Variants in PIK3C2G observed in about 807,000 individuals in gnomAD.
PIK3C2G encodes phosphatidylinositol 3-kinase C2 domain-containing subunit gamma.
PIK3C2G carries 168 observed loss-of-function variants against 181.1 expected under a neutral mutation model. That is an observed-to-expected ratio of 0.93 (90% CI 0.82 to 1.05). The LOEUF (loss-of-function observed/expected upper bound fraction) is 1.05. Among genes scored for constraint, PIK3C2G ranks in the 50% least tolerant of loss-of-function variants. The pLI is 0.00. For missense variants in PIK3C2G, 1,869 were observed against 1,732.8 expected, an observed-to-expected ratio of 1.08 and a Z score of -1.40; for synonymous variants, 573 against 592.2, an observed-to-expected ratio of 0.97 and a Z score of 0.47.
rs1950253130 is a variant in PIK3C2G, at chr12:18,648,175, G to A, written c.*147G>A. On this transcript the variant is annotated 3_prime_UTR_variant, in exon 33 of 33. Coordinates refer to ENST00000538779, the MANE Select transcript of PIK3C2G (RefSeq NM_001288772.2). ...GAAAAAAAATCAGAATTAGTCTTTT[G>A]TGTTGTTTATTTTCTACCTGTGCTT... 2.5e-6 allele frequency: 1 copy of A among 404,310 alleles called. No homozygotes were observed. Among genetic ancestry groups the A allele is most frequent in the South Asian group, 9.2e-5 (1 of 10,892 alleles). 25.0% of individuals were successfully genotyped at this position (404,310 alleles called of 1,614,324 possible). A position where few individuals can be genotyped will look rare whatever the true frequency, so the allele number is the denominator to read the frequency against.
intron 16 of PIK3C2G, among the ~76,000 whole-genome samples, chr12:18,402,807 A>C (rs981007531): frequency 2.0e-5 from 3 of 152,148 alleles, no homozygotes; most frequent in African/African-American, 7.2e-5. Context: ...CAGATCTTCA[A>C]AATCTGTTTG....
chr12:18,534,680 G>A (rs1013805897), intron 24 of PIK3C2G, among the ~76,000 whole-genome samples: 1 of 72,554 alleles, frequency 1.4e-5, no homozygotes, highest in Non-Finnish European at 2.6e-5. Flanking sequence ...AATCATACGG[G>A]TCATTTGGAT....
At chr12:18,459,953 C>T (rs150957126) in intron 18 of PIK3C2G, among the ~76,000 whole-genome samples, 2,194 of 152,182 alleles carry the variant, frequency 0.014, 64 homozygotes, top group African/African-American at 0.05. Context: ...TTAGTAGAGA[C>T]GGGGTTTCAC....
Position 18,511,579 on chromosome 12 carries a change from T to C in PIK3C2G, c.3323+6118T>C, listed in dbSNP as rs147675424. Among the ~76,000 whole-genome samples the C allele has an allele frequency of 8.0e-3, 1,220 of 152,194 alleles. 17 individuals carry two copies. The highest frequency in any genetic ancestry group is 0.026 in the African/African-American group (1,078 of 41,572). ...CATTTCCTTGATAATTAGTGATGCCTAACAGTTTATGTACTTATTGGCCAT... is the reference window on the plus strand; with the variant it reads ...CATTTCCTTGATAATTAGTGATGCCCAACAGTTTATGTACTTATTGGCCAT... On this transcript the variant is annotated intron_variant, in intron 24 of 32. Coordinates refer to ENST00000538779, the MANE Select transcript of PIK3C2G (RefSeq NM_001288772.2).
At chr12:18,530,044 T>C (rs1226953102) in intron 24 of PIK3C2G, among the ~76,000 whole-genome samples, 1 of 152,160 alleles carries the variant, frequency 6.6e-6, no homozygotes, top group African/African-American at 2.4e-5. Flanking sequence ...GGCCCAGCAA[T>C]GGCACATGTC....
At chr12:18,643,906 G>A (rs929938160) in intron 32 of PIK3C2G, among the ~76,000 whole-genome samples, 6 of 152,126 alleles carry the variant, frequency 3.9e-5, no homozygotes, top group African/African-American at 1.4e-4. Flanking sequence ...AGTGGGAGAG[G>A]ATGACCTCAC....
At chr12:18,433,015 G>T (rs991309068) in intron 18 of PIK3C2G, among the ~76,000 whole-genome samples, 3 of 151,368 alleles carry the variant, frequency 2.0e-5, no homozygotes, top group African/African-American at 7.3e-5. Flanking sequence ...AAACTGAAAT[G>T]AAAACCATAT....
At chr12:18,433,050 C>G (rs1946251714) in intron 18 of PIK3C2G, among the ~76,000 whole-genome samples, 1 of 151,582 alleles carries the variant, frequency 6.6e-6, no homozygotes, top group Admixed American at 6.6e-5. Context: ...TTTAAAAGCT[C>G]AAAATTGTTG....
the PIK3C2G span, among the ~76,000 whole-genome samples, chr12:18,660,940 A>G: frequency 6.6e-6 from 1 of 152,166 alleles, no homozygotes; most frequent in African/African-American, 2.4e-5. Context: ...TGAACAAAAT[A>G]AAAAGATCAA....
intron 11 of PIK3C2G, among the ~76,000 whole-genome samples, chr12:18,357,949 T>TAATA: frequency 6.6e-6 from 1 of 152,350 alleles, no homozygotes; most frequent in African/African-American, 2.4e-5. Flanking sequence ...CAAGGTTGAA[T>TAATA]AATATATCAT....
intron 1 of PIK3C2G, among the ~76,000 whole-genome samples, chr12:18,275,187 T>C (rs539664094): frequency 6.6e-6 from 1 of 152,288 alleles, no homozygotes; most frequent in East Asian, 1.9e-4. Flanking sequence ...ATTATTTGCT[T>C]CTGTCACAAG....
intron 1 of PIK3C2G, among the ~76,000 whole-genome samples, chr12:18,252,298 C>G (rs991488954): frequency 6.6e-6 from 1 of 152,056 alleles, no homozygotes; most frequent in Non-Finnish European, 1.5e-5. Context: ...ATCAAATTGA[C>G]GCAACAGTAT....
the PIK3C2G span, among the ~76,000 whole-genome samples, chr12:18,655,703 A>G: frequency 9.3e-5 from 14 of 151,340 alleles, no homozygotes; most frequent in Non-Finnish European, 1.6e-4. Context: ...GTGGCACTTT[A>G]CCTCTGAGGT....
chr12:18,663,111 G>A, the PIK3C2G span, among the ~76,000 whole-genome samples: 2 of 151,964 alleles, frequency 1.3e-5, no homozygotes, highest in Admixed American at 1.3e-4. Flanking sequence ...AATCCACAAT[G>A]AATATTATAC....
intron 13 of PIK3C2G, among the ~76,000 whole-genome samples, chr12:18,380,397 G>A (rs1179569417): frequency 1.3e-5 from 2 of 152,104 alleles, no homozygotes; most frequent in Admixed American, 6.5e-5. Flanking sequence ...GTTTGGCATT[G>A]GACATGTTTC....
the PIK3C2G span, among the ~76,000 whole-genome samples, chr12:18,717,635 G>C: frequency 6.6e-6 from 1 of 152,098 alleles, no homozygotes; most frequent in South Asian, 2.1e-4. Flanking sequence ...ACCCTTGCAT[G>C]TTGCCTCAAA....
the PIK3C2G span, among the ~76,000 whole-genome samples, chr12:18,660,963 A>G: frequency 6.6e-6 from 1 of 152,140 alleles, no homozygotes; most frequent in African/African-American, 2.4e-5. Context: ...AAAATATAGA[A>G]AACCCAAATG....
At chr12:18,576,270 G>A (rs1349284502) in intron 29 of PIK3C2G, among the ~76,000 whole-genome samples, 1 of 152,198 alleles carries the variant, frequency 6.6e-6, no homozygotes, top group Middle Eastern at 3.2e-3. Context: ...GAATGATCGT[G>A]GGAATCCTCT....
At chr12:18,666,093 C>A in the PIK3C2G span, among the ~76,000 whole-genome samples, 2 of 151,562 alleles carry the variant, frequency 1.3e-5, no homozygotes, top group South Asian at 4.2e-4. Flanking sequence ...AAGAAAATAA[C>A]TTAAAAGTGT....
Sources: gnomAD v4.1 joint callset for allele counts (sites outside exome capture counted in the v4.1 genomes callset) on GRCh38, gnomAD v4.1.1 for gene constraint, MANE v1.5 for transcripts, NCBI Gene and HGNC (gene_info 2026-07-23, HGNC 2026-07-21) for gene names.